The following KLF8 variants were observed in gnomAD, a reference collection of about 807,000 sequenced individuals.
KLF8 encodes KLF transcription factor 8.
Under a neutral mutation model 18.2 loss-of-function variants are expected in KLF8, and 10 were observed. The ratio of observed to expected loss-of-function variants is 0.55; its 90% CI spans 0.34 to 0.93. KLF8 has a LOEUF of 0.93. Ranked by LOEUF, KLF8 falls within the 40% of genes least tolerant of loss-of-function variation. KLF8 has a pLI of 0.02. For synonymous variants in KLF8, 109 were observed against 97.3 expected (o/e 1.12, Z -0.71); for missense variants, 264 against 277.9 (o/e 0.95, Z 0.36).
chrX:56,086,702 A>T, the KLF8 span, among the ~76,000 whole-genome samples: 1 of 111,195 alleles, frequency 9.0e-6, no homozygotes, highest in Non-Finnish European at 1.9e-5. Context: ...TAGAAGTAGT[A>T]GTAGTAGTAG....
At chrX:56,048,618 T>G in the KLF8 span, among the ~76,000 whole-genome samples, 1 of 111,840 alleles carries the variant, frequency 8.9e-6, no homozygotes, top group Non-Finnish European at 1.9e-5. Context: ...TTCTGTTCCA[T>G]TGGTCTATAT....
the KLF8 span, among the ~76,000 whole-genome samples, chrX:56,076,811 T>A: frequency 8.9e-6 from 1 of 112,015 alleles, no homozygotes; most frequent in African/African-American, 3.2e-5. Flanking sequence ...TGTTGTTTCC[T>A]GATTTTTTAA....
the KLF8 span, among the ~76,000 whole-genome samples, chrX:55,915,833 T>C: frequency 8.9e-6 from 1 of 111,916 alleles, no homozygotes; most frequent in African/African-American, 3.2e-5. Flanking sequence ...ACAAGAGCAA[T>C]GTGACTGGAT....
the KLF8 span, among the ~76,000 whole-genome samples, chrX:55,969,972 A>G: frequency 1.8e-5 from 2 of 111,287 alleles, no homozygotes; most frequent in African/African-American, 3.3e-5. Context: ...TGATGACTCA[A>G]TGACTGTGCT....
intron 2 of KLF8, among the ~76,000 whole-genome samples, chrX:56,261,334 C>T (rs1257580234): frequency 1.8e-5 from 2 of 111,186 alleles, no homozygotes; most frequent in East Asian, 2.8e-4. Context: ...TTCAGAAATC[C>T]GGAAATTCAG....
At chrX:55,919,790 C>T in the KLF8 span, among the ~76,000 whole-genome samples, 2 of 111,848 alleles carry the variant, frequency 1.8e-5, no homozygotes. Flanking sequence ...TCTCTACCTG[C>T]TAGCTGAAGG....
At chrX:56,187,803 GC>G in the KLF8 span, among the ~76,000 whole-genome samples, 3,732 of 111,525 alleles carry the variant, frequency 0.033, 167 homozygotes, top group African/African-American at 0.12. Context: ...TGCAGAAATG[GC>G]CTTTGACAAA....
chrX:56,214,568 T>C, the KLF8 span, among the ~76,000 whole-genome samples: 1 of 112,249 alleles, frequency 8.9e-6, no homozygotes, highest in Non-Finnish European at 1.9e-5. Flanking sequence ...CCAACATGAC[T>C]GGTATCCTTA....
At chrX:56,074,569 G>C in the KLF8 span, 1,254 of 113,365 alleles carry the variant, frequency 0.011, 8 homozygotes, top group Non-Finnish European at 0.016. Context: ...AATACCCTTG[G>C]AACCCATGTC....
intron 5 of KLF8, among the ~76,000 whole-genome samples, chrX:56,282,444 G>A (rs1212946826): frequency 1.8e-5 from 2 of 112,296 alleles, no homozygotes; most frequent in Non-Finnish European, 3.8e-5. Context: ...AGTAATTGAT[G>A]TCTTTAATCT....
chrX:56,130,678 A>C, the KLF8 span, among the ~76,000 whole-genome samples: 1 of 112,115 alleles, frequency 8.9e-6, no homozygotes, highest in Admixed American at 9.5e-5. Flanking sequence ...TGCTGGCAAA[A>C]GAATTCAGAC....
At chrX:56,195,935 C>G in the KLF8 span, among the ~76,000 whole-genome samples, 3 of 111,858 alleles carry the variant, frequency 2.7e-5, no homozygotes, top group Admixed American at 9.5e-5. Context: ...ACTCAACATT[C>G]TTGTAGAAAA....
At chrX:56,195,143 C>T in the KLF8 span, among the ~76,000 whole-genome samples, 3 of 112,248 alleles carry the variant, frequency 2.7e-5, no homozygotes, top group Non-Finnish European at 5.6e-5. Context: ...AGAAGAAAAG[C>T]TGAAAATTCT....
intron 3 of KLF8, chrX:56,265,956 G>T: frequency 1.0e-6 from 1 of 977,132 alleles, no homozygotes; most frequent in African/African-American, 1.9e-5. Flanking sequence ...GTACAAGTAT[G>T]CATATCTATC....
At chrX:56,233,634 C>A (rs2066431287) in intron 1 of KLF8, among the ~76,000 whole-genome samples, 1 of 111,681 alleles carries the variant, frequency 9.0e-6, no homozygotes, top group East Asian at 2.8e-4. Context: ...GCTCGGCACT[C>A]CCAATACTCC....
the KLF8 span, among the ~76,000 whole-genome samples, chrX:55,914,798 G>T: frequency 9.0e-6 from 1 of 111,220 alleles, no homozygotes; most frequent in Non-Finnish European, 1.9e-5. Context: ...TTGGTGGCAG[G>T]AAAAAAGACT....
chrX:56,104,853 G>A, the KLF8 span, among the ~76,000 whole-genome samples: 2 of 111,659 alleles, frequency 1.8e-5, no homozygotes, highest in Non-Finnish European at 3.8e-5. Context: ...TGGGCATTTA[G>A]TGCTATAAAT....
chrX:55,948,434 A>G, the KLF8 span, among the ~76,000 whole-genome samples: 5 of 112,010 alleles, frequency 4.5e-5, no homozygotes, highest in Non-Finnish European at 7.5e-5. Context: ...GTTGTAGAAG[A>G]TCATTTTACC....
At chrX:56,139,703 G>A in the KLF8 span, among the ~76,000 whole-genome samples, 2 of 111,600 alleles carry the variant, frequency 1.8e-5, no homozygotes, top group Non-Finnish European at 3.8e-5. Flanking sequence ...GTGCTGTTCT[G>A]TACATAGGAC....
Sources: gnomAD v4.1 joint callset for allele counts (sites outside exome capture counted in the v4.1 genomes callset) on GRCh38, gnomAD v4.1.1 for gene constraint, MANE v1.5 for transcripts, NCBI Gene and HGNC (gene_info 2026-07-23, HGNC 2026-07-21) for gene names.